LRMDA: variants seen among roughly 807,000 people sequenced by gnomAD.
LRMDA encodes leucine-rich melanocyte differentiation-associated protein.
A neutral mutation model predicts 29.8 loss-of-function variants in LRMDA; 18 were observed. The observed-to-expected ratio is 0.60, with a 90% confidence interval of 0.42 to 0.90. LRMDA has a LOEUF of 0.90. Among genes scored for constraint, LRMDA ranks in the 40% least tolerant of loss-of-function variants. The pLI is 0.00. For missense variants in LRMDA, 273 were observed against 273.9 expected (o/e 1.00, Z 0.02); for synonymous variants, 125 against 109.4 (o/e 1.14, Z -0.89).
Position 76,070,971 on chromosome 10 carries a change from G to A in LRMDA, c.516+12188G>A, listed in dbSNP as rs189986764. Among the ~76,000 whole-genome samples, 7 of 152,290 alleles carry A rather than the reference G, an allele frequency of 4.6e-5. No homozygotes were observed. The East Asian group carries it at 5.8e-4, about 13-fold the overall frequency. ...CACTGATGGAGCCAGGAGCATGAAG[G>A]TGCAGCTGCCCTCTGGACAGCTGTG... On this transcript the variant is annotated intron_variant, in intron 5 of 6. Transcript: ENST00000611255.
intron 2 of LRMDA, among the ~76,000 whole-genome samples, chr10:75,564,013 G>C (rs951537632): frequency 6.6e-6 from 1 of 152,194 alleles, no homozygotes; most frequent in Non-Finnish European, 1.5e-5. Flanking sequence ...TAGTCTGCCC[G>C]TTCTCAGATC....
chr10:76,100,445 C>T lies in LRMDA; in HGVS notation c.516+41662C>T, dbSNP rs572533991. Among the ~76,000 whole-genome samples the T allele has an allele frequency of 2.2e-4, 34 of 152,344 alleles. No homozygotes were observed. In the South Asian group the frequency reaches 4.8e-3, roughly 21 times the overall value. Reference sequence around the variant, plus strand: ...GGCTCCTCCCCACCTCCACATGACACAAGCTTCCCGTGGCTTCAGCCCTTT... The same window carrying T: ...GGCTCCTCCCCACCTCCACATGACATAAGCTTCCCGTGGCTTCAGCCCTTT... On this transcript the variant is annotated intron_variant, in intron 5 of 6. Coordinates refer to ENST00000611255, the MANE Select transcript of LRMDA (RefSeq NM_001305581.2).
At chr10:75,519,316 A>G (rs752734759) in intron 2 of LRMDA, among the ~76,000 whole-genome samples, 4 of 152,128 alleles carry the variant, frequency 2.6e-5, no homozygotes, top group African/African-American at 4.8e-5. Context: ...GTCTCCAACT[A>G]TTATTGTGTG....
At chr10:76,163,471 T>C (rs150101993) in intron 5 of LRMDA, among the ~76,000 whole-genome samples, 1 of 152,302 alleles carries the variant, frequency 6.6e-6, no homozygotes, top group Admixed American at 6.5e-5. Flanking sequence ...TAGACTGTTT[T>C]ACTGATTGGA....
chr10:75,935,852 A>G (rs1269888689), intron 2 of LRMDA, among the ~76,000 whole-genome samples: 1 of 152,110 alleles, frequency 6.6e-6, no homozygotes, highest in African/African-American at 2.4e-5. Context: ...GGTTTGGAAA[A>G]TCAGGCAAGT....
intron 2 of LRMDA, among the ~76,000 whole-genome samples, chr10:75,876,278 T>C (rs907235401): frequency 2.6e-5 from 4 of 152,184 alleles, no homozygotes; most frequent in Non-Finnish European, 5.9e-5. Context: ...TTTGCTTATT[T>C]TAAGCAGGAA....
intron 6 of LRMDA, among the ~76,000 whole-genome samples, chr10:76,513,462 CT>C (rs1383423438): frequency 6.6e-6 from 1 of 152,092 alleles, no homozygotes; most frequent in Non-Finnish European, 1.5e-5. Flanking sequence ...GGGGTTGTGT[CT>C]TCTTTGTTCA....
intron 6 of LRMDA, among the ~76,000 whole-genome samples, chr10:76,468,159 C>T (rs954912663): frequency 2.0e-5 from 3 of 152,172 alleles, no homozygotes; most frequent in Non-Finnish European, 4.4e-5. Flanking sequence ...TTAAATTACT[C>T]GCCTCTTATC....
intron 2 of LRMDA, among the ~76,000 whole-genome samples, chr10:75,575,101 T>G (rs1294750461): frequency 6.6e-6 from 1 of 152,076 alleles, no homozygotes; most frequent in Non-Finnish European, 1.5e-5. Flanking sequence ...TGACCATATC[T>G]CATGAGAACT....
chr10:75,858,058 G>A (rs1014523628), intron 2 of LRMDA, among the ~76,000 whole-genome samples: 4 of 152,190 alleles, frequency 2.6e-5, no homozygotes, highest in African/African-American at 4.8e-5. Flanking sequence ...GAAGGGTCCC[G>A]AGTGCAGGTG....
intron 2 of LRMDA, among the ~76,000 whole-genome samples, chr10:75,893,117 A>G (rs1845521817): frequency 1.3e-5 from 2 of 152,216 alleles, no homozygotes; most frequent in African/African-American, 4.8e-5. Flanking sequence ...TTGTTTGTAC[A>G]GCGTGTGTTT....
At chr10:76,336,824 A>G (rs1322689670) in intron 6 of LRMDA, among the ~76,000 whole-genome samples, 1 of 152,218 alleles carries the variant, frequency 6.6e-6, no homozygotes, top group Non-Finnish European at 1.5e-5. Flanking sequence ...AAGGAGAGTC[A>G]AAGAGGATAA....
intron 6 of LRMDA, among the ~76,000 whole-genome samples, chr10:76,360,154 A>G (rs1841294228): frequency 6.6e-6 from 1 of 151,634 alleles, no homozygotes; most frequent in Non-Finnish European, 1.5e-5. Context: ...ATGCCTAGCT[A>G]ATTTTGTATT....
chr10:76,505,509 T>C (rs183708662), intron 6 of LRMDA, among the ~76,000 whole-genome samples: 1 of 152,242 alleles, frequency 6.6e-6, no homozygotes, highest in East Asian at 1.9e-4. Flanking sequence ...AAATAACTGG[T>C]CTTCAAGCTC....
At chr10:76,118,296 A>C (rs1390656910) in intron 5 of LRMDA, among the ~76,000 whole-genome samples, 1 of 152,164 alleles carries the variant, frequency 6.6e-6, no homozygotes, top group Non-Finnish European at 1.5e-5. Flanking sequence ...ACTTAGGGAG[A>C]ATCACATCTC....
At chr10:76,066,765 G>A (rs932541460) in intron 5 of LRMDA, among the ~76,000 whole-genome samples, 1 of 152,184 alleles carries the variant, frequency 6.6e-6, no homozygotes, top group Admixed American at 6.5e-5. Context: ...GCCAGGCTGT[G>A]GGGGGATCTC....
At chr10:75,773,192 C>T (rs1843267299) in intron 2 of LRMDA, among the ~76,000 whole-genome samples, 1 of 152,162 alleles carries the variant, frequency 6.6e-6, no homozygotes, top group African/African-American at 2.4e-5. Flanking sequence ...GTAACACATC[C>T]TTTGTGACAA....
intron 2 of LRMDA, among the ~76,000 whole-genome samples, chr10:75,507,059 G>A: frequency 6.6e-6 from 1 of 151,990 alleles, no homozygotes; most frequent in East Asian, 1.9e-4. Flanking sequence ...GCTCATTCAG[G>A]TGCAAAATTC....
At position 76,331,169 on chromosome 10, in the gene LRMDA, G is replaced by A. The variant is rs545120945; in HGVS notation, c.601+6684G>A. Among the ~76,000 whole-genome samples, 21 of 152,310 alleles carry A rather than the reference G, an allele frequency of 1.4e-4. No homozygotes were observed. In the South Asian group the frequency reaches 2.9e-3, roughly 21 times the overall value. On this transcript the variant is annotated intron_variant, in intron 6 of 6. Coordinates refer to ENST00000611255, the MANE Select transcript of LRMDA (RefSeq NM_001305581.2). ...ACCTGTAATCCTAGCTACTTGGGAG[G>A]CAGAGACAGGAGAATTGCTTGAACC... is the stretch of plus-strand genomic sequence containing the variant.
Sources: gnomAD v4.1 joint callset for allele counts (sites outside exome capture counted in the v4.1 genomes callset) on GRCh38, gnomAD v4.1.1 for gene constraint, MANE v1.5 for transcripts, NCBI Gene and HGNC (gene_info 2026-07-23, HGNC 2026-07-21) for gene names.